The following CDK9 variants were observed in gnomAD, a reference collection of about 807,000 sequenced individuals.
CDK9 encodes the protein cyclin-dependent kinase 9.
Under a neutral mutation model 39.0 loss-of-function variants are expected in CDK9, and 34 were observed. The observed-to-expected ratio is 0.87, with a 90% CI of 0.66 to 1.16. The LOEUF is 1.16. Among genes scored for constraint, CDK9 ranks in the 50% most tolerant of loss-of-function variants. The pLI, the probability that CDK9 is intolerant of heterozygous loss-of-function variation, is 0.00. For missense variants in CDK9, 369 were observed against 503.2 expected, an observed-to-expected ratio of 0.73 and a Z score of 2.55; for synonymous variants, 233 against 196.2, an observed-to-expected ratio of 1.19 and a Z score of -1.57.
In CDK9 at chr9:127,790,214, C is replaced by CT. The variant is rs1217220110; in HGVS notation, c.*677dup. 3.9e-5 allele frequency: 6 copies of CT among 152,052 alleles called. No homozygotes were observed. The highest frequency in any genetic ancestry group is 8.8e-5 in the Non-Finnish European group (6 of 68,042). The allele number at this position is 152,052 out of a possible 1,614,324, so 9.4% of individuals were successfully genotyped here. ...ATTGTCAAGTCACTGGAGGTCTTGA[C>CT]TTTTTTATCTCAGTTCATGTTCTCT... On this transcript the variant is annotated 3_prime_UTR_variant, in exon 7 of 7. Transcript: ENST00000373264.
chr9:127,787,088 A>G (rs972223774), intron 2 of CDK9, among the ~76,000 whole-genome samples: 12 of 152,206 alleles, frequency 7.9e-5, no homozygotes, highest in East Asian at 7.7e-4. Flanking sequence ...TTATATATGC[A>G]TGCTTTTTGA....
chr9:127,787,335 C>T (rs1341616247), intron 2 of CDK9, among the ~76,000 whole-genome samples, 183 bp from the exon 3 acceptor site: 2 of 152,198 alleles, frequency 1.3e-5, no homozygotes, highest in Admixed American at 6.5e-5. Flanking sequence ...AGTTTGTTGT[C>T]TCAAACCATC....
rs1424183824 is a variant in CDK9 at position 127,788,544 on chromosome 9, G to C, written c.605G>C (p.Gly202Ala). ...CCTCCTGGTGCGCTCTTCTTCCCAG[G>C]GGAGCGGGACTACGGCCCCCCCATT... ...LWYRPPELLLGERDYGPPIDL... is the reference protein window; with the variant it reads ...LWYRPPELLLAERDYGPPIDL... The change falls in exon 6 of 7, where the codon GGG (glycine) becomes GCG (alanine). Residue 202 changes from glycine to alanine, a missense_variant and splice_region_variant. Physicochemically the swap from Gly to Ala is moderately conservative, Grantham distance 60. Transcript: ENST00000373264. 7 of 1,561,148 alleles carry C rather than the reference G, an allele frequency of 4.5e-6. No homozygotes were observed. Among genetic ancestry groups the C allele is most frequent in the Non-Finnish European group, 6.1e-6 (7 of 1,152,700 alleles).
In CDK9 at chr9:127,789,354, C is replaced by T; in HGVS notation, c.930C>T (p.Leu310=). The part of the protein sequence containing the change: ...PAQRIDSDDA[L]NHDFFWSDPM... ...AGCGCATCGACAGCGATGACGCCCTCAACCACGACTTCTTCTGGTCCGACC... is the reference window on the plus strand; with the variant it reads ...AGCGCATCGACAGCGATGACGCCCTTAACCACGACTTCTTCTGGTCCGACC... Residue 310 remains leucine, a synonymous_variant, in exon 7 of 7, where the codon CTC becomes CTT. Coordinates refer to ENST00000373264, the MANE Select transcript of CDK9 (RefSeq NM_001261.4). This position sits in a 1 kb window ranked among gnomAD's most constrained non-coding sequence, Gnocchi z 5.2. 6.2e-7 allele frequency: 1 copy of T among 1,614,058 alleles called. No homozygotes were observed. The highest frequency in any genetic ancestry group is 8.5e-7 in the Non-Finnish European group (1 of 1,180,042).
At chr9:127,786,317 C>CG (rs998617610) in intron 1 of CDK9, 77 bp downstream of exon 1, 84 of 1,208,160 alleles carry the variant, frequency 7.0e-5, no homozygotes, top group East Asian at 1.7e-4. Context: ...CGGGCCCCCC[C>CG]CGAGTTGGTA....
rs773403021 is a variant in CDK9, at chr9:127,786,081, C to T, written c.-68C>T. On this transcript the variant is annotated 5_prime_UTR_variant, in exon 1 of 7. Coordinates refer to ENST00000373264, the MANE Select transcript of CDK9 (RefSeq NM_001261.4). Reference sequence around the variant, plus strand: ...CGCGGAGGGGCCTGGAGTGCGGCGGCGGCGGGACCCGGAGCAGGAGCGGCG... The same window carrying T: ...CGCGGAGGGGCCTGGAGTGCGGCGGTGGCGGGACCCGGAGCAGGAGCGGCG... 8.1e-6 allele frequency: 10 copies of T among 1,230,546 alleles called. No individual in the cohort carries two copies. The highest frequency in any genetic ancestry group is 9.1e-6 in the Non-Finnish European group (8 of 880,198). 76.2% of individuals were successfully genotyped at this position (1,230,546 alleles called of 1,614,324 possible).
chr9:127,786,090 C>T lies in CDK9; in HGVS notation c.-59C>T. 2.2e-6 allele frequency: 3 copies of T among 1,361,586 alleles called. No individual in the cohort carries two copies. The highest frequency in any genetic ancestry group is 2.4e-5 in the South Asian group (2 of 81,866). The allele number at this position is 1,361,586 out of a possible 1,614,324, so 84.3% of individuals were successfully genotyped here. On this transcript the variant is annotated 5_prime_UTR_variant, in exon 1 of 7. Coordinates refer to ENST00000373264, the MANE Select transcript of CDK9 (RefSeq NM_001261.4). ...GCCTGGAGTGCGGCGGCGGCGGGAC[C>T]CGGAGCAGGAGCGGCGGCAGCAGCG... is the stretch of plus-strand genomic sequence containing the variant.
chr9:127,789,113 T>G lies in CDK9; in HGVS notation c.754-65T>G. 6.6e-7 allele frequency: 1 copy of G among 1,506,944 alleles called. No individual in the cohort carries two copies. Among genetic ancestry groups the G allele is most frequent in the Admixed American group, 2.2e-5 (1 of 44,584 alleles). The allele number at this position is 1,506,944 out of a possible 1,614,324, so 93.3% of individuals were successfully genotyped here. ...GTATTTTAGTCCTTTTAGGCCTTTA[T>G]GAAGGGATAAGCCACGCACCTCCTG... On this transcript the variant is annotated intron_variant, in intron 6 of 6. Transcript: ENST00000373264. This position sits in a 1 kb window ranked among gnomAD's most constrained non-coding sequence, Gnocchi z 5.2.
intron 5 of CDK9, 68 bp downstream of exon 5, chr9:127,788,453 G>T (rs1441385851): frequency 1.9e-6 from 3 of 1,550,942 alleles, no homozygotes; most frequent in Non-Finnish European, 1.7e-6. Context: ...CCCCCCAACT[G>T]CCAGGGCTTC....
chr9:127,788,448 C>A, intron 5 of CDK9, 63 bp downstream of exon 5: 1 of 1,556,070 alleles, frequency 6.4e-7, no homozygotes, highest in Non-Finnish European at 8.7e-7. Context: ...CCCTTCCCCC[C>A]AACTGCCAGG....
Position 127,786,079 on chromosome 9 carries a change from G to C in CDK9, c.-70G>C, listed in dbSNP as rs748038622. 1.7e-6 allele frequency: 2 copies of C among 1,207,636 alleles called. No homozygotes were observed. Among genetic ancestry groups the C allele is most frequent in the Non-Finnish European group, 2.3e-6 (2 of 860,216 alleles). 74.8% of individuals were successfully genotyped at this position (1,207,636 alleles called of 1,614,324 possible). On this transcript the variant is annotated 5_prime_UTR_variant, in exon 1 of 7. Coordinates refer to ENST00000373264, the MANE Select transcript of CDK9 (RefSeq NM_001261.4). ...GCCGCGGAGGGGCCTGGAGTGCGGC[G>C]GCGGCGGGACCCGGAGCAGGAGCGG...
At chr9:127,787,484 C>T (rs3217738) in intron 2 of CDK9, 34 bp from the exon 3 acceptor site, 21,751 of 1,484,138 alleles carry the variant, frequency 0.015, 226 homozygotes, top group Non-Finnish European at 0.016. Context: ...GTACTGCGCT[C>T]ACTCTTGACC....
chr9:127,788,682 T>A lies in CDK9; in HGVS notation c.743T>A (p.Ile248Asn). ...LALISQLCGSITPEVWPNVDN... is the reference protein window; with the variant it reads ...LALISQLCGSNTPEVWPNVDN... ...CTCATCAGTCAGCTCTGCGGCTCCA[T>A]CACCCCTGAGGTACGGGGCCCCGGT... Residue 248 changes from isoleucine to asparagine, a missense_variant, in exon 6 of 7, where the codon ATC (isoleucine) becomes AAC (asparagine). Coordinates refer to ENST00000373264, the MANE Select transcript of CDK9 (RefSeq NM_001261.4). The A allele has an allele frequency of 6.2e-7, 1 of 1,604,704 alleles. No homozygotes were observed. The highest frequency in any genetic ancestry group is 8.5e-7 in the Non-Finnish European group (1 of 1,175,384).
chr9:127,788,585 G>T lies in CDK9; in HGVS notation c.646G>T (p.Gly216Trp), dbSNP rs1241846326. ...YGPPIDLWGA[G>W]CIMAEMWTRS... The stretch of plus-strand genomic sequence containing the variant: ...CCCCCCCATTGACCTGTGGGGTGCT[G>T]GGTGCATCATGGCAGAGATGTGGAC... The change falls in exon 6 of 7, where the codon GGG (glycine) becomes TGG (tryptophan). Residue 216 changes from glycine to tryptophan, a missense_variant. Transcript: ENST00000373264. 3.1e-6 allele frequency: 5 copies of T among 1,588,244 alleles called. No individual in the cohort carries two copies. Among genetic ancestry groups the T allele is most frequent in the Non-Finnish European group, 4.3e-6 (5 of 1,167,976 alleles).
At position 127,790,541 on chromosome 9, in the gene CDK9, A is replaced by T. The variant is rs1027418890; in HGVS notation, c.*998A>T. ...GACGGGGGTGGGGAGTATGTGGGAG[A>T]AAAAAACAGACTGAAGGTAGAATCC... On this transcript the variant is annotated 3_prime_UTR_variant, in exon 7 of 7. Transcript: ENST00000373264. 6.6e-6 allele frequency: 1 copy of T among 151,402 alleles called. No individual in the cohort carries two copies. Among genetic ancestry groups the T allele is most frequent in the Non-Finnish European group, 1.5e-5 (1 of 68,044 alleles). 9.4% of individuals were successfully genotyped at this position (151,402 alleles called of 1,614,324 possible). A position where few individuals can be genotyped will look rare whatever the true frequency, so the allele number is the denominator to read the frequency against.
chr9:127,787,400 A>G, intron 2 of CDK9, 118 bp from the exon 3 acceptor site: 7 of 647,520 alleles, frequency 1.1e-5, no homozygotes, highest in South Asian at 2.0e-5. Flanking sequence ...CTTCTGAGAC[A>G]GCTGGTTTCA....
intron 6 of CDK9, 48 bp downstream of exon 6, chr9:127,788,740 C>G: frequency 7.9e-6 from 12 of 1,518,258 alleles, no homozygotes; most frequent in Non-Finnish European, 1.1e-5. Context: ...GGTCCCCCGG[C>G]AGAGGAGGAG....
At chr9:127,787,806 T>G (rs1829357537) in intron 3 of CDK9, 141 bp from the exon 4 acceptor site, 5 of 982,254 alleles carry the variant, frequency 5.1e-6, no homozygotes, top group African/African-American at 4.9e-5. Flanking sequence ...AGAAAATATT[T>G]GACCGGTGAA....
chr9:127,786,341 T>A, intron 1 of CDK9, 101 bp downstream of exon 1: 1 of 989,690 alleles, frequency 1.0e-6, no homozygotes, highest in Non-Finnish European at 1.5e-6. Context: ...AAGTCGTCTG[T>A]CCCCGGGCTT....
Sources: gnomAD v4.1 joint callset for allele counts (sites outside exome capture counted in the v4.1 genomes callset) on GRCh38, gnomAD v4.1.1 for gene constraint, Gnocchi (gnomAD v3.1) non-coding constraint, MANE v1.5 for transcripts, NCBI Gene and HGNC (gene_info 2026-07-23, HGNC 2026-07-21) for gene names.